The following MRPL44 variants were observed in gnomAD, a reference collection of about 807,000 sequenced individuals.
MRPL44 encodes large ribosomal subunit protein mL44.
MRPL44 carries 21 observed loss-of-function variants against 25.9 expected under a neutral mutation model. The ratio of observed to expected loss-of-function variants is 0.81; its 90% CI spans 0.58 to 1.17. The LOEUF is 1.17. MRPL44 is among the 50% of genes most tolerant of loss of function. The probability of loss-of-function intolerance (pLI) is 0.00; values close to 1 mark genes in which losing one functional copy is unlikely to be tolerated. For synonymous variants in MRPL44, 169 were observed against 151.0 expected (o/e 1.12, Z -0.87); for missense variants, 410 against 398.9 (o/e 1.03, Z -0.24).
chr2:223,957,704 C>G, intron 1 of MRPL44, 53 bp downstream of exon 1: 1 of 1,541,804 alleles, frequency 6.5e-7, no homozygotes, highest in South Asian at 1.2e-5. Flanking sequence ...GACACTGGGT[C>G]TTCTTCCCGC....
At chr2:223,963,125 C>A (rs1181649808) in intron 2 of MRPL44, among the ~76,000 whole-genome samples, 1 of 151,926 alleles carries the variant, frequency 6.6e-6, no homozygotes, top group Non-Finnish European at 1.5e-5. Context: ...TAATTTTTTT[C>A]TTACTAGTAG....
At chr2:223,957,418 CG>C, upstream of MRPL44, 2 of 1,602,532 alleles carry the variant, frequency 1.2e-6, no homozygotes, top group Non-Finnish European at 1.7e-6. Flanking sequence ...AAGTGTGTTA[CG>C]GGGACACTGG....
intron 1 of MRPL44, 31 bp from the exon 2 acceptor site, chr2:223,959,503 T>C: frequency 6.6e-7 from 1 of 1,518,658 alleles, no homozygotes; most frequent in Non-Finnish European, 8.9e-7. Flanking sequence ...GTTGTTCTCT[T>C]TACCATCTCT....
intron 2 of MRPL44, 88 bp from the exon 3 acceptor site, chr2:223,963,668 T>C: frequency 4.8e-6 from 4 of 833,710 alleles, no homozygotes; most frequent in Non-Finnish European, 6.6e-6. Context: ...GTGGCTTCTC[T>C]AATTTAAAAA....
chr2:223,952,468 T>G (rs537084785), upstream of MRPL44, among the ~76,000 whole-genome samples: 1 of 152,344 alleles, frequency 6.6e-6, no homozygotes, highest in South Asian at 2.1e-4. Context: ...CCTTTGTAAC[T>G]AGTTCTTTGT....
chr2:223,959,184 A>G (rs772441924), intron 1 of MRPL44, among the ~76,000 whole-genome samples: 2 of 152,230 alleles, frequency 1.3e-5, no homozygotes, highest in South Asian at 2.1e-4. Flanking sequence ...TGAAATTAAC[A>G]TTTATGCTTC....
At chr2:223,955,503 C>A (rs919924639), upstream of MRPL44, among the ~76,000 whole-genome samples, 2 of 152,118 alleles carry the variant, frequency 1.3e-5, no homozygotes, top group Non-Finnish European at 2.9e-5. Flanking sequence ...CTTTGTTATC[C>A]ATCTTTCTGT....
At chr2:223,962,792 C>T (rs1689684079) in intron 2 of MRPL44, among the ~76,000 whole-genome samples, 1 of 152,272 alleles carries the variant, frequency 6.6e-6, no homozygotes, top group South Asian at 2.1e-4. Flanking sequence ...ACCTCCACCT[C>T]CCAGGTTCAA....
Position 223,957,497 on chromosome 2 carries a change from C to T in MRPL44, c.25C>T (p.Leu9=), listed in dbSNP as rs551735456. 14 of 1,614,168 alleles carry T rather than the reference C, an allele frequency of 8.7e-6. No individual in the cohort carries two copies. Among genetic ancestry groups the T allele is most frequent in the Middle Eastern group, 1.6e-4 (1 of 6,062 alleles). The change falls in exon 1 of 4, where the codon CTG becomes TTG. Residue 9 remains leucine (L), a synonymous_variant. Coordinates refer to ENST00000258383, the MANE Select transcript of MRPL44 (RefSeq NM_022915.5). The stretch of plus-strand genomic sequence containing the variant: ...AATGGCGTCCGGGCTGGTAAGATTG[C>T]TGCAGCAGGGACATCGCTGCCTCCT... MASGLVRL[L]QQGHRCLLAP... is the part of the protein sequence containing the mutation.
intron 1 of MRPL44, among the ~76,000 whole-genome samples, chr2:223,959,029 G>A (rs534739822): frequency 6.6e-6 from 1 of 152,314 alleles, no homozygotes; most frequent in South Asian, 2.1e-4. Flanking sequence ...ACAGTGAAAC[G>A]AAGTGTGCCT....
rs370632812 is a variant in MRPL44, at chr2:223,957,480, C to T, written c.8C>T (p.Ser3Phe). MASGLVRLLQQGH... is the reference protein window; with the variant it reads MAFGLVRLLQQGH... The stretch of plus-strand genomic sequence containing the variant: ...ATCGTTTTCTCTCGTGCAATGGCGT[C>T]CGGGCTGGTAAGATTGCTGCAGCAG... The change falls in exon 1 of 4, where the codon TCC becomes TTC. Residue 3 changes from serine (S) to phenylalanine (F), a missense_variant. By Grantham distance (155) the Ser-to-Phe change is radical. Transcript: ENST00000258383. The T allele has an allele frequency of 1.7e-5, 27 of 1,614,040 alleles. No individual in the cohort carries two copies. In the African/African-American group the frequency reaches 2.9e-4, roughly 18 times the overall value.
chr2:223,964,590 A>G (rs1382823158), intron 3 of MRPL44, among the ~76,000 whole-genome samples: 2 of 152,182 alleles, frequency 1.3e-5, no homozygotes, highest in African/African-American at 2.4e-5. Flanking sequence ...AGTTTTATCT[A>G]TTGAAATGCA....
At position 223,967,662 on chromosome 2, in the gene MRPL44, T is replaced by TA. The variant is rs2106121190; in HGVS notation, c.*629dup. On this transcript the variant is annotated 3_prime_UTR_variant, in exon 4 of 4. Coordinates refer to ENST00000258383, the MANE Select transcript of MRPL44 (RefSeq NM_022915.5). Reference sequence around the variant, plus strand: ...TTGAGGTATCATAATTTATGTATCTTATGTGAATTTTTTGCTGTAATACCA... The same window carrying TA: ...TTGAGGTATCATAATTTATGTATCTTAATGTGAATTTTTTGCTGTAATACCA... 6.6e-6 allele frequency: 1 copy of TA among 152,352 alleles called. No homozygotes were observed. The highest frequency in any genetic ancestry group is 1.9e-4 in the East Asian group (1 of 5,190). The allele number at this position is 152,352 out of a possible 1,614,324, so 9.4% of individuals were successfully genotyped here.
In MRPL44 at chr2:223,963,849, A is replaced by G. The variant is rs1418561654; in HGVS notation, c.742A>G (p.Arg248Gly). ...MGLLVEELKK[R>G]NVSAPESRLT... ...GCTATTGGTAGAAGAACTGAAGAAA[A>G]GGAATGTTTCAGCTCCTGAATCAAG... Residue 248 changes from arginine (R) to glycine (G), a missense_variant, in exon 3 of 4, where the codon AGG (arginine) becomes GGG (glycine). Arg to Gly is a moderately radical substitution (Grantham distance 125). Transcript: ENST00000258383. 1 of 1,613,990 alleles carries G rather than the reference A, an allele frequency of 6.2e-7. No homozygotes were observed.
chr2:223,962,475 T>C (rs977461208), intron 2 of MRPL44, among the ~76,000 whole-genome samples: 1 of 152,052 alleles, frequency 6.6e-6, no homozygotes, highest in African/African-American at 2.4e-5. Flanking sequence ...CATCCTGTTA[T>C]CATATTACTA....
chr2:223,964,273 A>G (rs1326557380), intron 3 of MRPL44, among the ~76,000 whole-genome samples: 1 of 152,168 alleles, frequency 6.6e-6, no homozygotes, highest in Non-Finnish European at 1.5e-5. Context: ...TAGAGATTCA[A>G]CCTTAATCCA....
chr2:223,955,271 C>T (rs560182784), upstream of MRPL44, among the ~76,000 whole-genome samples: 4 of 152,224 alleles, frequency 2.6e-5, no homozygotes, highest in African/African-American at 9.6e-5. Context: ...GATTCTATAT[C>T]GATATTTATC....
At chr2:223,955,339 T>C (rs1689548479), upstream of MRPL44, among the ~76,000 whole-genome samples, 1 of 152,230 alleles carries the variant, frequency 6.6e-6, no homozygotes, top group Non-Finnish European at 1.5e-5. Flanking sequence ...CATTCTATGG[T>C]AATTATTTCT....
upstream of MRPL44, among the ~76,000 whole-genome samples, chr2:223,953,370 T>C (rs1240755148): frequency 3.3e-5 from 5 of 152,192 alleles, no homozygotes; most frequent in African/African-American, 9.6e-5. Context: ...CCTGACCTCA[T>C]GATCCGCCTG....
Sources: allele counts gnomAD v4.1 joint callset (sites outside exome capture counted in the v4.1 genomes callset), GRCh38; gene constraint gnomAD v4.1.1; transcripts MANE v1.5; gene names NCBI Gene and HGNC (gene_info 2026-07-23, HGNC 2026-07-21).